Variants in GABRP observed in about 807,000 individuals in gnomAD.
GABRP encodes gamma-aminobutyric acid type A receptor subunit pi.
GABRP carries 52 observed loss-of-function variants against 47.8 expected under a neutral mutation model. That is an observed-to-expected ratio of 1.09 (90% CI 0.87 to 1.37). GABRP has a LOEUF of 1.37. GABRP is among the 40% of genes most tolerant of loss of function. The pLI, the probability that GABRP is intolerant of heterozygous loss-of-function variation, is 0.00. For missense variants in GABRP, 525 were observed against 542.8 expected, an observed-to-expected ratio of 0.97 and a Z score of 0.33; for synonymous variants, 221 against 205.8, an observed-to-expected ratio of 1.07 and a Z score of -0.63.
intron 1 of GABRP, among the ~76,000 whole-genome samples, chr5:170,787,622 G>A (rs1427210078): frequency 2.6e-5 from 4 of 151,800 alleles, no homozygotes; most frequent in Non-Finnish European, 4.4e-5. Context: ...TACCGGGGGG[G>A]AGGCAGCCAG....
Position 170,795,331 on chromosome 5 carries a change from A to G in GABRP, c.364A>G (p.Ile122Val), listed in dbSNP as rs1233641707. ...GTTCCTCTGGGTGCCAGATACTTACATTGTGGAGTCCAAGAAGTCCTTCCT... is the reference window on the plus strand; with the variant it reads ...GTTCCTCTGGGTGCCAGATACTTACGTTGTGGAGTCCAAGAAGTCCTTCCT... ...VEFLWVPDTYIVESKKSFLHE... is the reference protein window; with the variant it reads ...VEFLWVPDTYVVESKKSFLHE... The change falls in exon 5 of 10, where the codon ATT becomes GTT. Residue 122 changes from isoleucine to valine, a missense_variant. Coordinates refer to ENST00000265294, the MANE Select transcript of GABRP (RefSeq NM_014211.3). 3 of 1,613,924 alleles carry G rather than the reference A, an allele frequency of 1.9e-6. No individual in the cohort carries two copies. The highest frequency in any genetic ancestry group is 4.5e-5 in the East Asian group (2 of 44,806).
Position 170,809,751 on chromosome 5 carries a change from A to ATAGG in GABRP, c.1017_1020dup (p.Gly341Ter). 1 of 1,588,990 alleles carries ATAGG rather than the reference A, an allele frequency of 6.3e-7. No individual in the cohort carries two copies. The highest frequency in any genetic ancestry group is 1.7e-4 in the Middle Eastern group (1 of 5,916). On this transcript the variant is annotated frameshift_variant, in exon 9 of 10. Transcript: ENST00000265294. LOFTEE classifies it high-confidence loss of function. ...TCCTTACAGCAGATGGCAGCCAAAG[A>ATAGG]TAGGGTAAGAGTCTTGAGGGCCCTG... is the stretch of plus-strand genomic sequence containing the variant.
In GABRP at chr5:170,812,236, G is replaced by A; in HGVS notation, c.1301G>A (p.Trp434Ter). 6.2e-7 allele frequency: 1 copy of A among 1,612,286 alleles called. No individual in the cohort carries two copies. The highest frequency in any genetic ancestry group is 8.5e-7 in the Non-Finnish European group (1 of 1,178,686). Residue 434 changes from tryptophan (W) to a stop codon, truncating the protein, a stop_gained, in exon 10 of 10, where the codon TGG becomes TAG. Transcript: ENST00000265294. LOFTEE classifies it high-confidence loss of function. ...LIFMLANVFYWAYYMYF is the reference protein window; with the variant it reads ...LIFMLANVFY ...TTTATGCTAGCCAATGTATTTTACT[G>A]GGCATACTACATGTATTTTTGAGTC...
chr5:170,792,450 A>AG (rs201726778), intron 3 of GABRP, among the ~76,000 whole-genome samples: 34,099 of 151,358 alleles, frequency 0.23, 4,488 homozygotes, highest in Non-Finnish European at 0.3. Context: ...CTCAAAAAAA[A>AG]AAAGAAAGAA....
At position 170,811,917 on chromosome 5, in the gene GABRP, G is replaced by A. The variant is rs762115682; in HGVS notation, c.1021-39G>A. 7 of 1,578,122 alleles carry A rather than the reference G, an allele frequency of 4.4e-6. No homozygotes were observed. In the East Asian group the frequency reaches 1.6e-4, roughly 35 times the overall value. ...ATTACCTACTTATTTATTTTGCTGAGTCAAGTCTTTTAAGCTAACTGCATT... is the reference window on the plus strand; with the variant it reads ...ATTACCTACTTATTTATTTTGCTGAATCAAGTCTTTTAAGCTAACTGCATT... On this transcript the variant is annotated intron_variant, in intron 9 of 9. Coordinates refer to ENST00000265294, the MANE Select transcript of GABRP (RefSeq NM_014211.3).
chr5:170,807,777 TA>T (rs1765774976), intron 7 of GABRP, among the ~76,000 whole-genome samples: 2 of 152,212 alleles, frequency 1.3e-5, no homozygotes, highest in South Asian at 4.2e-4. Flanking sequence ...GTTGTTTTTT[TA>T]ATGGTATAAT....
At position 170,805,819 on chromosome 5, in the gene GABRP, T is replaced by A; in HGVS notation, c.645T>A (p.Tyr215Ter). The A allele has an allele frequency of 6.2e-7, 1 of 1,614,160 alleles. No individual in the cohort carries two copies. Among genetic ancestry groups the A allele is most frequent in the Non-Finnish European group, 8.5e-7 (1 of 1,180,018 alleles). The change falls in exon 7 of 10, where the codon TAT becomes TAA. Residue 215 changes from tyrosine (Y) to a stop codon, truncating the protein, a stop_gained. Transcript: ENST00000265294. LOFTEE classifies it high-confidence loss of function. ...LRLAQYTIER[Y>*]FTLVTRSQQE... ...TTGCTCAGTACACCATAGAGCGGTA[T>A]TTCACCTTAGTCACCAGATCGCAGC... is the stretch of plus-strand genomic sequence containing the variant.
In GABRP at chr5:170,794,288, A is replaced by G; in HGVS notation, c.230A>G (p.Glu77Gly). 1.9e-6 allele frequency: 3 copies of G among 1,609,428 alleles called. No homozygotes were observed. Among genetic ancestry groups the G allele is most frequent in the Non-Finnish European group, 2.5e-6 (3 of 1,176,780 alleles). Residue 77 changes from glutamate (E) to glycine (G), a missense_variant, in exon 4 of 10, where the codon GAG becomes GGG. Coordinates refer to ENST00000265294, the MANE Select transcript of GABRP (RefSeq NM_014211.3). The part of the protein sequence containing the change: ...LDIASISSIS[E>G]SNMDYTATIY... ...ATTGCAAGTATCTCTAGCATTTCAG[A>G]GAGTAACATGGTAAGCGCTGTTCCT... is the stretch of plus-strand genomic sequence containing the variant.
chr5:170,789,944 C>T (rs1765224056), intron 3 of GABRP, among the ~76,000 whole-genome samples: 1 of 152,136 alleles, frequency 6.6e-6, no homozygotes, highest in Non-Finnish European at 1.5e-5. Flanking sequence ...CTCTGAGAAG[C>T]CTCCCCTGAT....
In GABRP at chr5:170,813,266, C is replaced by T. The variant is rs948807786; in HGVS notation, c.*1008C>T. 6.6e-6 allele frequency: 1 copy of T among 152,184 alleles called. No homozygotes were observed. Among genetic ancestry groups the T allele is most frequent in the African/African-American group, 2.4e-5 (1 of 41,432 alleles). 9.4% of individuals were successfully genotyped at this position (152,184 alleles called of 1,614,324 possible). A position where few individuals can be genotyped will look rare whatever the true frequency, so the allele number is the denominator to read the frequency against. Reference sequence around the variant, plus strand: ...AGCAACACTCTCCCAGTGGCAGATCCCCTGTATCATTCCAAGAGGAGCATT... The same window carrying T: ...AGCAACACTCTCCCAGTGGCAGATCTCCTGTATCATTCCAAGAGGAGCATT... On this transcript the variant is annotated 3_prime_UTR_variant, in exon 10 of 10. Coordinates refer to ENST00000265294, the MANE Select transcript of GABRP (RefSeq NM_014211.3).
intron 8 of GABRP, among the ~76,000 whole-genome samples, chr5:170,809,211 A>G (rs1230746100): frequency 4.6e-5 from 7 of 152,206 alleles, no homozygotes; most frequent in Admixed American, 4.6e-4. Context: ...TGCTGGGATT[A>G]CAGGTGTGAG....
chr5:170,807,520 G>A (rs1765767054), intron 7 of GABRP, among the ~76,000 whole-genome samples: 1 of 152,090 alleles, frequency 6.6e-6, no homozygotes, highest in African/African-American at 2.4e-5. Context: ...TTAAAACATT[G>A]ACTTTCAAAA....
intron 7 of GABRP, among the ~76,000 whole-genome samples, chr5:170,806,163 C>G (rs1159339710): frequency 6.6e-6 from 1 of 152,170 alleles, no homozygotes; most frequent in Non-Finnish European, 1.5e-5. Flanking sequence ...CACTAGTTCT[C>G]TGACACTGAA....
chr5:170,799,756 C>A (rs1157806561), intron 6 of GABRP, among the ~76,000 whole-genome samples: 2 of 152,106 alleles, frequency 1.3e-5, no homozygotes, highest in Non-Finnish European at 2.9e-5. Context: ...ATTGTAGTTT[C>A]TTTTGCTGTG....
Position 170,813,066 on chromosome 5 carries a change from G to A in GABRP, c.*808G>A, listed in dbSNP as rs1765935370. On this transcript the variant is annotated 3_prime_UTR_variant, in exon 10 of 10. Transcript: ENST00000265294. ...CCTTTTCCCATGCATGGATGGAAATGGAAGATTTTTTTTTAACTTGTTCTA... is the reference window on the plus strand; with the variant it reads ...CCTTTTCCCATGCATGGATGGAAATAGAAGATTTTTTTTTAACTTGTTCTA... 1.3e-5 allele frequency: 2 copies of A among 152,152 alleles called. No individual in the cohort carries two copies. Among genetic ancestry groups the A allele is most frequent in the Admixed American group, 6.6e-5 (1 of 15,260 alleles). The allele number at this position is 152,152 out of a possible 1,614,324, so 9.4% of individuals were successfully genotyped here.
At chr5:170,801,155 C>T (rs1043908392) in intron 6 of GABRP, among the ~76,000 whole-genome samples, 3 of 152,070 alleles carry the variant, frequency 2.0e-5, no homozygotes, top group African/African-American at 4.8e-5. Flanking sequence ...GTGAAGTAGC[C>T]GCACGGGGAC....
rs570114269 is a variant in GABRP at position 170,791,736 on chromosome 5, C to G, written c.172+2489C>G. 3.3e-5 allele frequency among the ~76,000 whole-genome samples: 5 copies of G among 152,300 alleles called. No homozygotes were observed. In the South Asian group the frequency reaches 1.0e-3, roughly 32 times the overall value. ...GAGGGCAACTAACACGGATCTATGG[C>G]ACTTAAAGTAGATGCCGTAACCGTG... is the stretch of plus-strand genomic sequence containing the variant. On this transcript the variant is annotated intron_variant, in intron 3 of 9. Transcript: ENST00000265294.
chr5:170,811,829 C>T, intron 9 of GABRP, 127 bp from the exon 10 acceptor site: 3 of 879,072 alleles, frequency 3.4e-6, no homozygotes, highest in Non-Finnish European at 5.2e-6. Flanking sequence ...CTGAAGCACT[C>T]AATGCCACTC....
intron 2 of GABRP, 56 bp from the exon 3 acceptor site, chr5:170,789,073 C>T (rs1255101976): frequency 7.4e-7 from 1 of 1,348,398 alleles, no homozygotes; most frequent in African/African-American, 1.4e-5. Flanking sequence ...AGGGTGTGTA[C>T]ACGTGTTGAT....
Sources: gnomAD v4.1 joint callset for allele counts (sites outside exome capture counted in the v4.1 genomes callset) on GRCh38, gnomAD v4.1.1 for gene constraint, MANE v1.5 for transcripts, NCBI Gene and HGNC (gene_info 2026-07-23, HGNC 2026-07-21) for gene names.